Variants in MAGI1 observed in about 807,000 individuals in gnomAD.
MAGI1 encodes the protein membrane associated guanylate kinase, WW and PDZ domain containing 1, also known as membrane-associated guanylate kinase, WW and PDZ domain-containing protein 1.
In MAGI1, 58 loss-of-function variants were observed where a neutral mutation model predicts 139.9. The ratio of observed to expected loss-of-function variants is 0.41; its 90% confidence interval spans 0.34 to 0.52. The LOEUF (loss-of-function observed/expected upper bound fraction) is 0.52. Among genes scored for constraint, MAGI1 ranks in the 20% least tolerant of loss-of-function variants. The pLI is 0.12. For synonymous variants in MAGI1, 812 were observed against 737.9 expected, an observed-to-expected ratio of 1.10 and a Z score of -1.63; for missense variants, 1,874 against 1,901.6, an observed-to-expected ratio of 0.99 and a Z score of 0.27.
chr3:65,528,458 TGTA>T (rs2078490108), intron 2 of MAGI1, among the ~76,000 whole-genome samples: 1 of 152,126 alleles, frequency 6.6e-6, no homozygotes, highest in Non-Finnish European at 1.5e-5. Context: ...TATAAGGAGA[TGTA>T]GTGTCTGTCC....
intron 13 of MAGI1, among the ~76,000 whole-genome samples, chr3:65,398,921 T>C (rs1944625715): frequency 6.6e-6 from 1 of 151,952 alleles, no homozygotes; most frequent in African/African-American, 2.4e-5. Context: ...ACAGGGACTA[T>C]CCAGGAGAAG....
At chr3:65,477,388 C>T (rs75097961) in intron 4 of MAGI1, among the ~76,000 whole-genome samples, 2 of 152,256 alleles carry the variant, frequency 1.3e-5, no homozygotes, top group African/African-American at 2.4e-5. Flanking sequence ...GGAGCTGATG[C>T]TAATCAAACA....
chr3:65,813,162 G>C (rs1408876282), intron 1 of MAGI1, among the ~76,000 whole-genome samples: 1 of 152,132 alleles, frequency 6.6e-6, no homozygotes, highest in African/African-American at 2.4e-5. Context: ...AGGTGAACAT[G>C]GCATTTGCAC....
intron 1 of MAGI1, among the ~76,000 whole-genome samples, chr3:65,894,840 G>A (rs901337754): frequency 2.6e-5 from 4 of 152,208 alleles, no homozygotes; most frequent in African/African-American, 9.6e-5. Flanking sequence ...TTCTGGCATG[G>A]GAAATTTCAT....
In MAGI1 at chr3:65,353,589, CA is replaced by C. The variant is rs1458517017; in HGVS notation, c.*2788del. ...TAAAAATGCATTAAAAAATCTTTCA[CA>C]AAAGAAACTTAAAAAATACAATTAG... On this transcript the variant is annotated 3_prime_UTR_variant, in exon 23 of 23. Transcript: ENST00000402939. 6.6e-6 allele frequency: 1 copy of C among 152,074 alleles called. No homozygotes were observed. The highest frequency in any genetic ancestry group is 1.5e-5 in the Non-Finnish European group (1 of 68,010). The allele number at this position is 152,074 out of a possible 1,614,324, so 9.4% of individuals were successfully genotyped here.
At chr3:65,431,986 T>G (rs918717586) in intron 10 of MAGI1, among the ~76,000 whole-genome samples, 2 of 152,062 alleles carry the variant, frequency 1.3e-5, no homozygotes, top group Non-Finnish European at 2.9e-5. Context: ...AGAGCAAAAC[T>G]CTGTCTCAAA....
At chr3:65,426,457 G>A (rs574068148) in intron 12 of MAGI1, among the ~76,000 whole-genome samples, 11 of 152,136 alleles carry the variant, frequency 7.2e-5, no homozygotes, top group African/African-American at 1.2e-4. Flanking sequence ...AAAATGGCCC[G>A]TTCTTTAAAG....
At chr3:65,792,657 C>T (rs1457197712) in intron 1 of MAGI1, among the ~76,000 whole-genome samples, 1 of 151,976 alleles carries the variant, frequency 6.6e-6, no homozygotes, top group African/African-American at 2.4e-5. Flanking sequence ...TACTAAGTGG[C>T]TAACAGGGAA....
chr3:65,735,811 T>C (rs1239969120), intron 1 of MAGI1, among the ~76,000 whole-genome samples: 1 of 152,168 alleles, frequency 6.6e-6, no homozygotes, highest in Admixed American at 6.5e-5. Context: ...TATATTAACA[T>C]TGATGTCCGC....
intron 1 of MAGI1, among the ~76,000 whole-genome samples, chr3:65,677,248 TG>T (rs138810643): frequency 0.04 from 6,111 of 152,224 alleles, 408 homozygotes; most frequent in African/African-American, 0.14. Flanking sequence ...TATTTTGTAT[TG>T]TTTGTTTGTT....
At chr3:65,941,386 A>C (rs1377960634) in intron 1 of MAGI1, among the ~76,000 whole-genome samples, 2 of 152,062 alleles carry the variant, frequency 1.3e-5, no homozygotes, top group African/African-American at 4.8e-5. Context: ...AGTTAAAACC[A>C]AGACAGTTCA....
At chr3:65,854,979 C>A (rs1458229131) in intron 1 of MAGI1, among the ~76,000 whole-genome samples, 2 of 152,244 alleles carry the variant, frequency 1.3e-5, no homozygotes. Context: ...TAAATAACTA[C>A]GTACAACATC....
chr3:65,598,718 A>G (rs1041815016), intron 2 of MAGI1, among the ~76,000 whole-genome samples: 2 of 152,062 alleles, frequency 1.3e-5, no homozygotes, highest in African/African-American at 4.8e-5. Context: ...GTTTTTAAGG[A>G]GTGATAGGAT....
chr3:65,818,028 C>T (rs1313641822), intron 1 of MAGI1, among the ~76,000 whole-genome samples: 1 of 147,346 alleles, frequency 6.8e-6, no homozygotes, highest in Non-Finnish European at 1.5e-5. Flanking sequence ...TAGAAAACAA[C>T]TAAGTAAAAT....
At chr3:65,781,057 G>A (rs983408189) in intron 1 of MAGI1, among the ~76,000 whole-genome samples, 2 of 152,112 alleles carry the variant, frequency 1.3e-5, no homozygotes, top group Non-Finnish European at 2.9e-5. Context: ...TTAGCCAGGC[G>A]TTGTGGCTCA....
At chr3:65,395,155 C>T (rs1944280515) in intron 13 of MAGI1, among the ~76,000 whole-genome samples, 1 of 152,036 alleles carries the variant, frequency 6.6e-6, no homozygotes, top group Non-Finnish European at 1.5e-5. Context: ...GTGCCAGATA[C>T]TGAGGGAAAC....
At chr3:65,660,686 A>C (rs1273253493) in intron 1 of MAGI1, among the ~76,000 whole-genome samples, 1 of 152,238 alleles carries the variant, frequency 6.6e-6, no homozygotes, top group African/African-American at 2.4e-5. Flanking sequence ...AAAGCTGGAA[A>C]GTCAGAAAGT....
intron 1 of MAGI1, among the ~76,000 whole-genome samples, chr3:65,788,128 A>G (rs999758085): frequency 2.6e-5 from 4 of 152,202 alleles, no homozygotes; most frequent in Admixed American, 2.0e-4. Context: ...ACTGTGCCCA[A>G]GTAAACTCAC....
chr3:66,002,194 C>T (rs188234204), intron 1 of MAGI1, among the ~76,000 whole-genome samples: 1,887 of 152,220 alleles, frequency 0.012, 20 homozygotes, highest in Middle Eastern at 0.027. Context: ...ATTTTAAATT[C>T]GCATTTTCAG....
Sources: gnomAD v4.1 joint callset for allele counts (sites outside exome capture counted in the v4.1 genomes callset) on GRCh38, gnomAD v4.1.1 for gene constraint, MANE v1.5 for transcripts, NCBI Gene and HGNC (gene_info 2026-07-23, HGNC 2026-07-21) for gene names.